MSRA: variants seen among roughly 807,000 people sequenced by gnomAD.
The protein encoded by MSRA is mitochondrial peptide methionine sulfoxide reductase.
Under a neutral mutation model 31.3 loss-of-function variants are expected in MSRA, and 54 were observed. The ratio of observed to expected loss-of-function variants is 1.73; its 90% CI spans 1.39 to 2.17. The LOEUF (loss-of-function observed/expected upper bound fraction) is 2.17. Ranked by LOEUF, MSRA falls within the 30% of genes most tolerant of loss-of-function variation. The pLI is 0.00. For synonymous variants in MSRA, 169 were observed against 116.5 expected, an observed-to-expected ratio of 1.45 and a Z score of -2.90; for missense variants, 507 against 300.9, an observed-to-expected ratio of 1.69 and a Z score of -5.07.
intron 5 of MSRA, among the ~76,000 whole-genome samples, chr8:10,322,119 T>C (rs1455547928): frequency 6.6e-6 from 1 of 152,220 alleles, no homozygotes; most frequent in African/African-American, 2.4e-5. Context: ...ATTTTCTCAA[T>C]TCACATGTCA....
chr8:10,095,755 G>A (rs2128929594), intron 1 of MSRA: 1 of 1,142,278 alleles, frequency 8.8e-7, no homozygotes, highest in South Asian at 4.4e-5. Context: ...AAGTCTCTTG[G>A]GCTATTTGAA....
intron 1 of MSRA, among the ~76,000 whole-genome samples, chr8:10,146,112 G>C (rs1456215013): frequency 2.0e-5 from 3 of 152,308 alleles, no homozygotes; most frequent in Non-Finnish European, 4.4e-5. Context: ...TGCTGTCCAG[G>C]AGTGTGTGGT....
chr8:10,284,277 C>T (rs1001085783), intron 3 of MSRA, among the ~76,000 whole-genome samples: 2 of 152,112 alleles, frequency 1.3e-5, no homozygotes, highest in African/African-American at 4.8e-5. Context: ...CAACCTCCAC[C>T]TCCCAGGTTC....
At chr8:10,395,440 C>A (rs1004225514) in intron 5 of MSRA, among the ~76,000 whole-genome samples, 1 of 151,972 alleles carries the variant, frequency 6.6e-6, no homozygotes, top group Non-Finnish European at 1.5e-5. Flanking sequence ...TGGTTGAGGC[C>A]AAAATATGGA....
At chr8:10,250,533 G>C (rs191278093) in intron 3 of MSRA, 2 of 696,168 alleles carry the variant, frequency 2.9e-6, no homozygotes, top group Admixed American at 2.0e-5. Context: ...ACTTTTCCTC[G>C]TAAGATTTAC....
intron 1 of MSRA, among the ~76,000 whole-genome samples, chr8:10,197,461 C>G (rs540164091): frequency 6.6e-6 from 1 of 151,942 alleles, no homozygotes; most frequent in Non-Finnish European, 1.5e-5. Flanking sequence ...CATGTGTTGA[C>G]GTGTCTGATC....
At chr8:10,104,984 G>A (rs1799786916) in intron 1 of MSRA, among the ~76,000 whole-genome samples, 1 of 152,162 alleles carries the variant, frequency 6.6e-6, no homozygotes, top group Non-Finnish European at 1.5e-5. Context: ...TCAATCTCAT[G>A]GGCAAGGAAT....
rs553129305 is a variant in MSRA at position 10,379,048 on chromosome 8, A to G, written c.544-49100A>G. Among the ~76,000 whole-genome samples the G allele has an allele frequency of 4.6e-5, 7 of 152,166 alleles. No individual in the cohort carries two copies. The South Asian group carries it at 1.5e-3, about 32-fold the overall frequency. ...TATGTTGGACTTTTTTTCACTTAAC[A>G]GTATTAGTGCGTCTTTTCCATTGCT... On this transcript the variant is annotated intron_variant, in intron 5 of 5. Coordinates refer to ENST00000317173, the MANE Select transcript of MSRA (RefSeq NM_012331.5).
intron 5 of MSRA, among the ~76,000 whole-genome samples, chr8:10,322,414 A>G (rs17151745): frequency 0.18 from 26,792 of 152,168 alleles, 2,708 homozygotes; most frequent in African/African-American, 0.27. Context: ...TACAAAGACC[A>G]GAACTTGGAA....
At chr8:10,161,718 G>GCTGA (rs1804666445) in intron 1 of MSRA, among the ~76,000 whole-genome samples, 1 of 152,010 alleles carries the variant, frequency 6.6e-6, no homozygotes. Context: ...CTGAAGCCAG[G>GCTGA]CTGACCTTCC....
chr8:10,378,132 T>C (rs369361523), intron 5 of MSRA, among the ~76,000 whole-genome samples: 22 of 152,306 alleles, frequency 1.4e-4, no homozygotes, highest in African/African-American at 5.1e-4. Flanking sequence ...GAGAAAGGGC[T>C]GTGGATGGGG....
chr8:10,414,927 C>T (rs1808366152), intron 5 of MSRA, among the ~76,000 whole-genome samples: 1 of 152,142 alleles, frequency 6.6e-6, no homozygotes, highest in Non-Finnish European at 1.5e-5. Flanking sequence ...AGGAGAAGAT[C>T]CATGTCTCCC....
chr8:10,414,360 T>A (rs1047503729), intron 5 of MSRA, among the ~76,000 whole-genome samples: 1 of 152,068 alleles, frequency 6.6e-6, no homozygotes, highest in Non-Finnish European at 1.5e-5. Context: ...CCCAGATGAG[T>A]GAAACAAACT....
At chr8:10,340,709 G>A (rs781130254) in intron 5 of MSRA, among the ~76,000 whole-genome samples, 11 of 152,234 alleles carry the variant, frequency 7.2e-5, no homozygotes, top group African/African-American at 2.7e-4. Context: ...ATAAAGTGGC[G>A]AGGATGGCAT....
chr8:10,315,008 T>G (rs1801631842), intron 4 of MSRA, among the ~76,000 whole-genome samples: 1 of 152,136 alleles, frequency 6.6e-6, no homozygotes, highest in Non-Finnish European at 1.5e-5. Context: ...CCTTCACAAT[T>G]ATGACCAAAG....
chr8:10,334,923 C>G (rs1359574616), intron 5 of MSRA, among the ~76,000 whole-genome samples: 3 of 152,228 alleles, frequency 2.0e-5, no homozygotes, highest in Non-Finnish European at 4.4e-5. Context: ...CGGGCCCCGC[C>G]GAGCCATCTT....
At chr8:10,282,048 C>T (rs1213386928) in intron 3 of MSRA, among the ~76,000 whole-genome samples, 1 of 152,126 alleles carries the variant, frequency 6.6e-6, no homozygotes, top group Non-Finnish European at 1.5e-5. Context: ...CAGACTCTCC[C>T]CCCACGTACA....
At chr8:10,428,012 G>C in intron 5 of MSRA, 136 bp from the exon 6 acceptor site, 1 of 844,270 alleles carries the variant, frequency 1.2e-6, no homozygotes, top group Non-Finnish European at 1.8e-6. Context: ...AATGCGGAGA[G>C]CCCGGCCTAA....
intron 1 of MSRA, among the ~76,000 whole-genome samples, chr8:10,174,785 C>G (rs562504895): frequency 5.3e-5 from 8 of 152,332 alleles, no homozygotes; most frequent in Non-Finnish European, 1.0e-4. Flanking sequence ...AGTCCATGAG[C>G]TGACCTCAGA....
Sources: allele counts gnomAD v4.1 joint callset (sites outside exome capture counted in the v4.1 genomes callset), GRCh38; gene constraint gnomAD v4.1.1; transcripts MANE v1.5; gene names NCBI Gene and HGNC (gene_info 2026-07-23, HGNC 2026-07-21).